Variants in CHRM3 observed in about 807,000 individuals in gnomAD.
CHRM3 encodes cholinergic receptor muscarinic 3.
A neutral mutation model predicts 41.8 loss-of-function variants in CHRM3; 11 were observed. The ratio of observed to expected loss-of-function variants is 0.26; its 90% CI spans 0.17 to 0.44. The LOEUF is 0.44. Ranked by LOEUF, CHRM3 falls within the 20% of genes least tolerant of loss-of-function variation. The probability of loss-of-function intolerance (pLI) is 1.00; values close to 1 mark genes in which losing one functional copy is unlikely to be tolerated. For missense variants in CHRM3, 571 were observed against 745.4 expected, an observed-to-expected ratio of 0.77 and a Z score of 2.72; for synonymous variants, 297 against 301.4, an observed-to-expected ratio of 0.99 and a Z score of 0.15.
At chr1:239,866,101 G>A (rs1057244733) in intron 6 of CHRM3, among the ~76,000 whole-genome samples, 2 of 152,086 alleles carry the variant, frequency 1.3e-5, no homozygotes, top group African/African-American at 4.8e-5. Flanking sequence ...GCCCAGGCCG[G>A]GCACGGTGGC....
chr1:239,731,773 A>G lies in CHRM3; in HGVS notation c.-147+53485A>G, dbSNP rs561508541. 3.9e-5 allele frequency among the ~76,000 whole-genome samples: 6 copies of G among 152,138 alleles called. No individual in the cohort carries two copies. The East Asian group carries it at 1.2e-3, about 30-fold the overall frequency. On this transcript the variant is annotated intron_variant, in intron 5 of 6. Transcript: ENST00000676153. Reference sequence around the variant, plus strand: ...TTTGCCAACCATTTATGATCTATATATAGCCATTAAGATTGTTTCCTCAAA... The same window carrying G: ...TTTGCCAACCATTTATGATCTATATGTAGCCATTAAGATTGTTTCCTCAAA...
intron 1 of CHRM3, among the ~76,000 whole-genome samples, chr1:239,441,574 T>C (rs182102478): frequency 1.4e-4 from 22 of 152,322 alleles, no homozygotes; most frequent in African/African-American, 5.1e-4. Context: ...ACTTTGTTCA[T>C]ATGTAGGAGA....
chr1:239,754,084 A>C (rs889430798), intron 5 of CHRM3, among the ~76,000 whole-genome samples: 8 of 152,206 alleles, frequency 5.3e-5, no homozygotes, highest in Non-Finnish European at 1.2e-4. Flanking sequence ...AGGAACAAGG[A>C]TCCTGCCCTA....
chr1:239,781,114 T>C (rs1456003640), intron 5 of CHRM3, among the ~76,000 whole-genome samples: 1 of 152,204 alleles, frequency 6.6e-6, no homozygotes, highest in African/African-American at 2.4e-5. Flanking sequence ...ATGTAAACTT[T>C]AAAATCATTT....
intron 6 of CHRM3, among the ~76,000 whole-genome samples, chr1:239,859,662 T>A (rs916361033): frequency 2.0e-5 from 3 of 151,448 alleles, no homozygotes; most frequent in Non-Finnish European, 4.4e-5. Flanking sequence ...GTGATCCGCC[T>A]GCCTCAGCCT....
At chr1:239,435,110 T>G (rs1663132793) in intron 1 of CHRM3, among the ~76,000 whole-genome samples, 1 of 152,108 alleles carries the variant, frequency 6.6e-6, no homozygotes, top group Non-Finnish European at 1.5e-5. Context: ...TTTTCGGAAA[T>G]TAAAGAAACT....
chr1:239,516,520 A>G (rs1669281967), intron 2 of CHRM3, among the ~76,000 whole-genome samples: 1 of 152,214 alleles, frequency 6.6e-6, no homozygotes, highest in Non-Finnish European at 1.5e-5. Context: ...CTCTTATATC[A>G]AAGAGTATGG....
intron 6 of CHRM3, among the ~76,000 whole-genome samples, chr1:239,832,059 ACT>A (rs1025120257): frequency 6.6e-6 from 1 of 152,092 alleles, no homozygotes; most frequent in African/African-American, 2.4e-5. Flanking sequence ...AAAATAATTA[ACT>A]CTGCCTGCTT....
intron 5 of CHRM3, among the ~76,000 whole-genome samples, chr1:239,824,340 G>A (rs990513332): frequency 6.6e-6 from 1 of 152,118 alleles, no homozygotes; most frequent in Non-Finnish European, 1.5e-5. Flanking sequence ...CTTCAATCGA[G>A]GTGTTTCAAT....
intron 1 of CHRM3, among the ~76,000 whole-genome samples, chr1:239,480,748 CAG>C (rs1666796293): frequency 6.6e-6 from 1 of 151,902 alleles, no homozygotes; most frequent in South Asian, 2.1e-4. Flanking sequence ...TTAGTAGAGA[CAG>C]AGTTTTACCG....
intron 1 of CHRM3, among the ~76,000 whole-genome samples, chr1:239,486,120 C>A (rs185519969): frequency 1.2e-3 from 185 of 152,270 alleles, no homozygotes; most frequent in African/African-American, 4.3e-3. Flanking sequence ...AAGCCACGTC[C>A]CCACACACAG....
chr1:239,434,568 C>T (rs72754676), intron 1 of CHRM3, among the ~76,000 whole-genome samples: 316 of 152,212 alleles, frequency 2.1e-3, no homozygotes, highest in Non-Finnish European at 3.6e-3. Context: ...CTACCTTGAG[C>T]GCAGGAACTG....
At chr1:239,882,880 T>A (rs1677763458) in intron 6 of CHRM3, among the ~76,000 whole-genome samples, 1 of 152,166 alleles carries the variant, frequency 6.6e-6, no homozygotes, top group Non-Finnish European at 1.5e-5. Context: ...AATAAACCTA[T>A]GAAGAAGTGA....
At chr1:239,734,671 G>A (rs775751346) in intron 5 of CHRM3, among the ~76,000 whole-genome samples, 19 of 152,094 alleles carry the variant, frequency 1.2e-4, no homozygotes, top group East Asian at 5.8e-4. Context: ...TTATAAGTGC[G>A]CATTGAGAAT....
chr1:239,798,306 GA>G (rs1669955193), intron 5 of CHRM3, among the ~76,000 whole-genome samples: 1 of 152,152 alleles, frequency 6.6e-6, no homozygotes, highest in Non-Finnish European at 1.5e-5. Flanking sequence ...CGTTTTGGGG[GA>G]GTCAAAAGTT....
intron 1 of CHRM3, among the ~76,000 whole-genome samples, chr1:239,454,714 A>G (rs538091002): frequency 1.3e-5 from 2 of 152,262 alleles, no homozygotes; most frequent in Non-Finnish European, 2.9e-5. Context: ...GGAGATTTCA[A>G]AAGTTGTAGG....
At chr1:239,694,488 A>G (rs1360561399) in intron 5 of CHRM3, among the ~76,000 whole-genome samples, 1 of 152,250 alleles carries the variant, frequency 6.6e-6, no homozygotes, top group African/African-American at 2.4e-5. Flanking sequence ...GAAAGGTCTT[A>G]GACATTATTT....
At chr1:239,674,022 C>T (rs926290974) in intron 4 of CHRM3, among the ~76,000 whole-genome samples, 4 of 152,058 alleles carry the variant, frequency 2.6e-5, no homozygotes, top group Admixed American at 2.6e-4. Flanking sequence ...TTGGATTTTT[C>T]GGTTAGGAAT....
Position 239,908,659 on chromosome 1 carries a change from G to A in CHRM3, c.1208G>A (p.Arg403Lys), listed in dbSNP as rs200350916. The A allele has an allele frequency of 2.9e-5, 47 of 1,612,612 alleles. No homozygotes were observed. The highest frequency in any genetic ancestry group is 3.9e-5 in the Non-Finnish European group (46 of 1,179,432). Residue 403 changes from arginine (R) to lysine (K), a missense_variant, in exon 7 of 7, where the codon AGG becomes AAG. This residue lies in a region of CHRM3 where 239 missense variants were observed against 239.6 expected (regional missense o/e 1.00). Transcript: ENST00000676153. This position sits in a 1 kb window ranked among gnomAD's most constrained non-coding sequence, Gnocchi z 7.2. ...EEELGMVDLE[R>K]KADKLQAQKS... ...GAGCTGGGGATGGTGGACTTGGAGA[G>A]GAAAGCCGACAAGCTGCAGGCCCAG...
Sources: gnomAD v4.1 joint callset for allele counts (sites outside exome capture counted in the v4.1 genomes callset) on GRCh38, gnomAD v4.1.1 for gene constraint, gnomAD v4.1.1 regional missense constraint, Gnocchi (gnomAD v3.1) non-coding constraint, MANE v1.5 for transcripts, NCBI Gene and HGNC (gene_info 2026-07-23, HGNC 2026-07-21) for gene names.